PRRT4: variants seen among roughly 807,000 people sequenced by gnomAD.
PRRT4 encodes the protein proline-rich transmembrane protein 4.
In PRRT4, 59 loss-of-function variants were observed where a neutral mutation model predicts 55.6. The observed-to-expected ratio is 1.06, with a 90% CI of 0.86 to 1.32. The LOEUF is 1.32. Ranked by LOEUF, PRRT4 falls within the 40% of genes most tolerant of loss-of-function variation. The pLI is 0.00. For synonymous variants in PRRT4, 606 were observed against 601.8 expected, an observed-to-expected ratio of 1.01 and a Z score of -0.10; for missense variants, 1,217 against 1,222.0, an observed-to-expected ratio of 1.00 and a Z score of 0.06.
rs542061624 is a variant in PRRT4, at chr7:128,352,086, C to A, written c.1470G>T (p.Pro490=). 56 of 1,142,994 alleles carry A rather than the reference C, an allele frequency of 4.9e-5. No homozygotes were observed. In the African/African-American group the frequency reaches 5.0e-4, roughly 10 times the overall value. The allele number at this position is 1,142,994 out of a possible 1,614,324, so 70.8% of individuals were successfully genotyped here. A position where few individuals can be genotyped will look rare whatever the true frequency, so the allele number is the denominator to read the frequency against. ...GCGAGGCGAGCCGCAGGGGCCGCAGCGGGCGATGCGCGGCGCTCCCGAGGG... is the reference window on the plus strand; with the variant it reads ...GCGAGGCGAGCCGCAGGGGCCGCAGAGGGCGATGCGCGGCGCTCCCGAGGG... The change falls in exon 5 of 5, where the codon CCG becomes CCT. Residue 490 remains proline, a synonymous_variant. Transcript: ENST00000535159.
chr7:128,356,414 T>C (rs2116475486), intron 4 of PRRT4, among the ~76,000 whole-genome samples: 1 of 152,304 alleles, frequency 6.6e-6, no homozygotes, highest in Middle Eastern at 3.4e-3. Context: ...CAGGTGTGAA[T>C]GGGGACAGGT....
At chr7:128,356,457 T>G (rs1797113792) in intron 4 of PRRT4, among the ~76,000 whole-genome samples, 1 of 152,074 alleles carries the variant, frequency 6.6e-6, no homozygotes, top group Non-Finnish European at 1.5e-5. Flanking sequence ...CTTTGTAGGG[T>G]CCTCTTGACC....
In PRRT4 at chr7:128,351,292, G is replaced by C. The variant is rs781519109; in HGVS notation, c.2264C>G (p.Ala755Gly). 4.5e-6 allele frequency: 7 copies of C among 1,542,438 alleles called. No homozygotes were observed. In the South Asian group the frequency reaches 8.3e-5, roughly 18 times the overall value. The change falls in exon 5 of 5, where the codon GCT (alanine) becomes GGT (glycine). Residue 755 changes from alanine to glycine, a missense_variant. By Grantham distance (60) the Ala-to-Gly change is moderately conservative (BLOSUM62 0). Coordinates refer to ENST00000535159, the Ensembl canonical transcript of PRRT4. ...GCGGTAGAGTCCGAGCCCAGGCAGA[G>C]CGTCCTCGAAGGCAGGGCCCTGGAA...
Position 128,352,601 on chromosome 7 carries a change from A to C in PRRT4, c.955T>G (p.Cys319Gly), listed in dbSNP as rs959155052. 6.5e-7 allele frequency: 1 copy of C among 1,543,116 alleles called. No homozygotes were observed. Among genetic ancestry groups the C allele is most frequent in the African/African-American group, 1.4e-5 (1 of 72,980 alleles). ...CCCACGCTGCAGGACCCTGGCCCAC[A>C]CTCTGGCTGCCCCGAAGGGTTCCCG... The change falls in exon 5 of 5, where the codon TGT (cysteine) becomes GGT (glycine). Residue 319 changes from cysteine to glycine, a missense_variant. Around this residue, in one of 3 missense-constraint regions of PRRT4, gnomAD observed 564 missense variants for 592.9 expected, o/e 0.95. Transcript: ENST00000535159.
exon 5 of PRRT4, chr7:128,352,572 T>G (rs759532947): frequency 6.5e-6 from 10 of 1,544,558 alleles, no homozygotes; most frequent in Middle Eastern, 1.7e-4. Context: ...GTTCAGGCAA[T>G]TCTCCCACGC....
At chr7:128,351,473 G>A (rs1247127776) in exon 5 of PRRT4, 4 of 1,520,494 alleles carry the variant, frequency 2.6e-6, no homozygotes, top group Non-Finnish European at 3.5e-6. Flanking sequence ...TCGAAGCCCC[G>A]GCAACCTCCG....
chr7:128,355,788 GC>G, intron 4 of PRRT4, among the ~76,000 whole-genome samples: 1 of 152,142 alleles, frequency 6.6e-6, no homozygotes, highest in Non-Finnish European at 1.5e-5. Context: ...CCCACGGTCT[GC>G]CCCAGCCTGT....
intron 4 of PRRT4, among the ~76,000 whole-genome samples, chr7:128,354,811 G>A (rs949554175): frequency 2.6e-5 from 4 of 152,096 alleles, no homozygotes; most frequent in African/African-American, 7.2e-5. Flanking sequence ...GGCAGCATGC[G>A]CCCTGGTTCC....
chr7:128,357,257 CT>C (rs1797134457), intron 4 of PRRT4, among the ~76,000 whole-genome samples: 1 of 151,188 alleles, frequency 6.6e-6, no homozygotes, highest in South Asian at 2.1e-4. Flanking sequence ...CTCTCTCTCT[CT>C]CTCTCTCTCT....
intron 4 of PRRT4, among the ~76,000 whole-genome samples, chr7:128,357,901 T>C (rs894434007): frequency 1.3e-5 from 2 of 152,060 alleles, no homozygotes; most frequent in Non-Finnish European, 2.9e-5. Flanking sequence ...TTCTGAGAGG[T>C]AGGGTCTGGA....
chr7:128,351,914 A>G, exon 5 of PRRT4: 1 of 1,317,314 alleles, frequency 7.6e-7, no homozygotes, highest in South Asian at 2.2e-5. Flanking sequence ...CGAGGGGCGA[A>G]GGGGCTGCGC....
chr7:128,353,515 C>CTT (rs1423888557), intron 4 of PRRT4, among the ~76,000 whole-genome samples: 1 of 152,174 alleles, frequency 6.6e-6, no homozygotes, highest in East Asian at 1.9e-4. Flanking sequence ...TCTCAGCACT[C>CTT]TGAGGAAAAC....
chr7:128,352,303 A>T, exon 5 of PRRT4: 1 of 1,543,122 alleles, frequency 6.5e-7, no homozygotes, highest in Non-Finnish European at 8.7e-7. Context: ...GGCGTCGTAG[A>T]AGAGCGGGAA....
chr7:128,357,774 C>T (rs1056762657), intron 4 of PRRT4, among the ~76,000 whole-genome samples: 4 of 152,146 alleles, frequency 2.6e-5, no homozygotes, highest in African/African-American at 4.8e-5. Context: ...GCCTGAAAGC[C>T]CCTCAGTCCC....
upstream of PRRT4, chr7:128,361,783 C>A (rs568317361): frequency 3.8e-3 from 582 of 152,844 alleles, 9 homozygotes; most frequent in South Asian, 0.031. Context: ...CGCGGTCCCC[C>A]CACACCCGGG....
At position 128,358,732 on chromosome 7, in the gene PRRT4, G is replaced by C; in HGVS notation, c.826C>G (p.Leu276Val). The stretch of plus-strand genomic sequence containing the variant: ...AAACTTAGGGAAGCAGCTGGGTCCA[G>C]AGGACTTGGGCTGGAGAGCTTCCTC... The change falls in exon 4 of 5, where the codon CTG becomes GTG. Residue 276 changes from leucine to valine, a missense_variant. Coordinates refer to ENST00000535159, the Ensembl canonical transcript of PRRT4. This position sits in a 1 kb window ranked among gnomAD's most constrained non-coding sequence, Gnocchi z 4.4. 1 of 1,551,768 alleles carries C rather than the reference G, an allele frequency of 6.4e-7. No homozygotes were observed. Among genetic ancestry groups the C allele is most frequent in the Non-Finnish European group, 8.7e-7 (1 of 1,147,008 alleles).
Position 128,359,165 on chromosome 7 carries a change from T to C in PRRT4, c.741A>G (p.Gly247=), listed in dbSNP as rs1309859386. The C allele has an allele frequency of 1.9e-6, 3 of 1,551,672 alleles. No individual in the cohort carries two copies. In the South Asian group the frequency reaches 3.6e-5, roughly 18 times the overall value. The change falls in exon 3 of 5, where the codon GGA becomes GGG. Residue 247 remains glycine, a synonymous_variant. Coordinates refer to ENST00000535159, the Ensembl canonical transcript of PRRT4. ...TAAACTCACCCAGAGAACCCGAAAC[T>C]CCAGAGGCAGAGCTTGTGGATGTAG... is the stretch of plus-strand genomic sequence containing the variant.
rs1423358359 is a variant in PRRT4 at position 128,351,282 on chromosome 7, C to T, written c.2274G>A (p.Gly758=). 7 of 1,541,392 alleles carry T rather than the reference C, an allele frequency of 4.5e-6. No individual in the cohort carries two copies. The African/African-American group carries it at 6.8e-5, about 15-fold the overall frequency. ...GCGAGGCGGTGCGGTAGAGTCCGAGCCCAGGCAGAGCGTCCTCGAAGGCAG... is the reference window on the plus strand; with the variant it reads ...GCGAGGCGGTGCGGTAGAGTCCGAGTCCAGGCAGAGCGTCCTCGAAGGCAG... The change falls in exon 5 of 5, where the codon GGG becomes GGA. Residue 758 remains glycine (G), a synonymous_variant. Transcript: ENST00000535159.
At position 128,358,942 on chromosome 7, in the gene PRRT4, T is replaced by A; in HGVS notation, c.758-142A>T. 7.3e-7 allele frequency: 1 copy of A among 1,362,840 alleles called. No individual in the cohort carries two copies. The highest frequency in any genetic ancestry group is 1.5e-5 in the African/African-American group (1 of 68,176). The allele number at this position is 1,362,840 out of a possible 1,614,324, so 84.4% of individuals were successfully genotyped here. On this transcript the variant is annotated intron_variant, in intron 3 of 4. Transcript: ENST00000535159. This position sits in a 1 kb window ranked among gnomAD's most constrained non-coding sequence, Gnocchi z 4.4. Reference sequence around the variant, plus strand: ...GAATTGTAGCCACATGCTAAGCTCATGTACACCATGAGCTAAGCTACAAAG... The same window carrying A: ...GAATTGTAGCCACATGCTAAGCTCAAGTACACCATGAGCTAAGCTACAAAG...
Sources: gnomAD v4.1 joint callset for allele counts (sites outside exome capture counted in the v4.1 genomes callset) on GRCh38, gnomAD v4.1.1 for gene constraint, gnomAD v4.1.1 regional missense constraint, Gnocchi (gnomAD v3.1) non-coding constraint, MANE v1.5 for transcripts, NCBI Gene and HGNC (gene_info 2026-07-23, HGNC 2026-07-21) for gene names.